STXBP5L: variants seen among roughly 807,000 people sequenced by gnomAD.
The protein encoded by STXBP5L is syntaxin-binding protein 5-like.
In STXBP5L, 65 loss-of-function variants were observed where a neutral mutation model predicts 144.5. The observed-to-expected ratio is 0.45, with a 90% CI of 0.37 to 0.55. The LOEUF is 0.55. Ranked by LOEUF, STXBP5L falls within the 20% of genes least tolerant of loss-of-function variation. The pLI, the probability that STXBP5L is intolerant of heterozygous loss-of-function variation, is 0.00. For missense variants in STXBP5L, 1,298 were observed against 1,405.5 expected, an observed-to-expected ratio of 0.92 and a Z score of 1.22; for synonymous variants, 505 against 469.6, an observed-to-expected ratio of 1.08 and a Z score of -0.97.
chr3:121,379,887 T>C (rs1011333229), intron 21 of STXBP5L, among the ~76,000 whole-genome samples: 2 of 152,186 alleles, frequency 1.3e-5, no homozygotes, highest in African/African-American at 4.8e-5. Flanking sequence ...GAGGTTGGAT[T>C]ACAGTGGCAT....
chr3:121,162,231 G>A (rs967022925), intron 9 of STXBP5L, among the ~76,000 whole-genome samples: 5 of 152,092 alleles, frequency 3.3e-5, no homozygotes, highest in African/African-American at 7.2e-5. Flanking sequence ...GTATGAAGAC[G>A]TTGATTTCCC....
intron 18 of STXBP5L, among the ~76,000 whole-genome samples, chr3:121,274,883 G>A (rs1287710627): frequency 1.3e-5 from 2 of 152,134 alleles, no homozygotes; most frequent in Non-Finnish European, 2.9e-5. Flanking sequence ...TCACGACAGG[G>A]GCAGGATGCA....
chr3:121,138,409 A>C (rs2045355619), intron 7 of STXBP5L, among the ~76,000 whole-genome samples: 1 of 152,052 alleles, frequency 6.6e-6, no homozygotes, highest in South Asian at 2.1e-4. Flanking sequence ...AAAAAACACC[A>C]CAAAGTTTGT....
rs190000994 is a variant in STXBP5L, at chr3:121,220,865, T to C, written c.957-2138T>C. On this transcript the variant is annotated intron_variant, in intron 10 of 26. Transcript: ENST00000471454. ...TTATTCATGTATAAAATGGGACTAA[T>C]AGTACTTTCTTCATCAAGGTTGTTG... 4.0e-3 allele frequency among the ~76,000 whole-genome samples: 612 copies of C among 152,164 alleles called. 5 individuals are homozygous for C. Among genetic ancestry groups the C allele is most frequent in the South Asian group, 7.2e-3 (35 of 4,832 alleles).
rs1576541000 is a variant in STXBP5L at position 120,975,807 on chromosome 3, G to A, written c.287+20770G>A. ...TCTGCATCTATTGAGATAATCATGT[G>A]GTTTTTGTCTTTGGTTCTGTTTATA... On this transcript the variant is annotated intron_variant, in intron 3 of 26. Transcript: ENST00000471454. 2.0e-5 allele frequency among the ~76,000 whole-genome samples: 3 copies of A among 152,118 alleles called. No individual in the cohort carries two copies. In the East Asian group the frequency reaches 5.8e-4, roughly 29 times the overall value.
chr3:120,981,393 C>G (rs927673291), intron 3 of STXBP5L, among the ~76,000 whole-genome samples: 2 of 151,944 alleles, frequency 1.3e-5, no homozygotes, highest in African/African-American at 4.8e-5. Flanking sequence ...CATTTTTATT[C>G]TTTAATTTTT....
intron 9 of STXBP5L, among the ~76,000 whole-genome samples, chr3:121,182,759 AC>A (rs926901466): frequency 3.9e-4 from 59 of 152,364 alleles, no homozygotes; most frequent in African/African-American, 1.3e-3. Flanking sequence ...AGTTAGATTA[AC>A]CAAGAAAACA....
At chr3:121,211,060 T>C (rs1261078533) in intron 10 of STXBP5L, among the ~76,000 whole-genome samples, 1 of 152,156 alleles carries the variant, frequency 6.6e-6, no homozygotes, top group Non-Finnish European at 1.5e-5. Context: ...TTCCTACCCA[T>C]GTGCATGGAA....
At chr3:121,009,906 G>A (rs7617881) in intron 3 of STXBP5L, among the ~76,000 whole-genome samples, 15,085 of 151,776 alleles carry the variant, frequency 0.099, 1,186 homozygotes, top group Admixed American at 0.2. Flanking sequence ...AACTCGAAAG[G>A]CATCTGCTTG....
At chr3:121,005,492 C>A (rs1176414723) in intron 3 of STXBP5L, among the ~76,000 whole-genome samples, 1 of 152,096 alleles carries the variant, frequency 6.6e-6, no homozygotes, top group African/African-American at 2.4e-5. Context: ...TTGATCTTTT[C>A]ACAAAACCAG....
chr3:120,966,488 T>A (rs147832355), intron 3 of STXBP5L, among the ~76,000 whole-genome samples: 1 of 152,306 alleles, frequency 6.6e-6, no homozygotes, highest in African/African-American at 2.4e-5. Context: ...TTTTTGTTGA[T>A]GTTGATGCTA....
chr3:120,958,639 A>G (rs1229092362), intron 3 of STXBP5L, among the ~76,000 whole-genome samples: 17 of 152,356 alleles, frequency 1.1e-4, no homozygotes, highest in South Asian at 2.1e-4. Flanking sequence ...TATAAACAGA[A>G]CCAAAGACAA....
chr3:121,399,788 A>T (rs984511332), intron 22 of STXBP5L, among the ~76,000 whole-genome samples: 1 of 152,214 alleles, frequency 6.6e-6, no homozygotes, highest in African/African-American at 2.4e-5. Flanking sequence ...TACGGCCATC[A>T]TGAACATGTC....
chr3:121,077,032 G>T (rs752998461), intron 5 of STXBP5L, among the ~76,000 whole-genome samples: 2 of 152,152 alleles, frequency 1.3e-5, no homozygotes, highest in Non-Finnish European at 2.9e-5. Context: ...ATGATAAGAG[G>T]TCTGTGCCTC....
At chr3:120,971,322 C>G (rs1940221886) in intron 3 of STXBP5L, among the ~76,000 whole-genome samples, 1 of 151,914 alleles carries the variant, frequency 6.6e-6, no homozygotes, top group Non-Finnish European at 1.5e-5. Flanking sequence ...GTACCCGTCA[C>G]CCAAGTAGTG....
chr3:121,037,805 T>G (rs1031309556), intron 3 of STXBP5L, among the ~76,000 whole-genome samples: 1 of 152,076 alleles, frequency 6.6e-6, no homozygotes, highest in Non-Finnish European at 1.5e-5. Flanking sequence ...GGAGTTTTCT[T>G]TGAGGAAATA....
chr3:121,172,885 GT>G (rs2046782381), intron 9 of STXBP5L, among the ~76,000 whole-genome samples: 1 of 152,186 alleles, frequency 6.6e-6, no homozygotes, highest in Admixed American at 6.5e-5. Context: ...GCACATGTAT[GT>G]TTATTATAGC....
At chr3:121,380,587 C>T (rs1399049184) in intron 21 of STXBP5L, among the ~76,000 whole-genome samples, 1 of 151,860 alleles carries the variant, frequency 6.6e-6, no homozygotes, top group African/African-American at 2.4e-5. Context: ...AACCTGAAAC[C>T]ATCCTGTTTT....
intron 11 of STXBP5L, among the ~76,000 whole-genome samples, chr3:121,230,908 A>G (rs2049286396): frequency 6.6e-6 from 1 of 152,160 alleles, no homozygotes; most frequent in African/African-American, 2.4e-5. Context: ...GCAGGAAGAG[A>G]GGAGCTAGTT....
Sources: allele counts gnomAD v4.1 joint callset (sites outside exome capture counted in the v4.1 genomes callset), GRCh38; gene constraint gnomAD v4.1.1; transcripts MANE v1.5; gene names NCBI Gene and HGNC (gene_info 2026-07-23, HGNC 2026-07-21).